CCDC13: variants seen among roughly 807,000 people sequenced by gnomAD.
The protein encoded by CCDC13 is coiled-coil domain-containing protein 13.
A neutral mutation model predicts 87.3 loss-of-function variants in CCDC13; 70 were observed. The ratio of observed to expected loss-of-function variants is 0.80; its 90% CI spans 0.66 to 0.98. CCDC13 has a LOEUF of 0.98. Among genes scored for constraint, CCDC13 ranks in the 50% least tolerant of loss-of-function variants. CCDC13 has a pLI of 0.00. For missense variants in CCDC13, 842 were observed against 892.0 expected (o/e 0.94, Z 0.71); for synonymous variants, 317 against 360.3 (o/e 0.88, Z 1.36).
intron 14 of CCDC13, 53 bp from the exon 15 acceptor site, chr3:42,709,851 C>T: frequency 1.5e-6 from 2 of 1,348,602 alleles, no homozygotes; most frequent in Non-Finnish European, 1.1e-6. Flanking sequence ...CCTGTGCTAG[C>T]ACCCTGCTTC....
chr3:42,772,447 A>G (rs574961392), intron 1 of CCDC13, among the ~76,000 whole-genome samples: 8 of 152,144 alleles, frequency 5.3e-5, no homozygotes, highest in Admixed American at 5.2e-4. Flanking sequence ...GGTGACAGGG[A>G]CCAGTGAGGA....
rs892702483 is a variant in CCDC13 at position 42,743,124 on chromosome 3, A to G, written c.826-67T>C. 8.3e-6 allele frequency: 13 copies of G among 1,574,858 alleles called. No homozygotes were observed. The South Asian group carries it at 1.5e-4, about 18-fold the overall frequency. The stretch of plus-strand genomic sequence containing the variant: ...CCAGCCTCTTCTACTCAGAAGTGTG[A>G]TAGGAGACCCCACAGACTGAAGATG... On this transcript the variant is annotated intron_variant, in intron 7 of 15. Coordinates refer to ENST00000310232, the MANE Select transcript of CCDC13 (RefSeq NM_144719.4).
Position 42,747,274 on chromosome 3 carries a change from G to C in CCDC13, c.703C>G (p.Leu235Val). The change falls in exon 6 of 16, where the codon CTG becomes GTG. Residue 235 changes from leucine to valine, a missense_variant. Physicochemically the swap from Leu to Val is conservative, Grantham distance 32. Transcript: ENST00000310232. ...TGAAAGACCTTCTGTGCCATCCGCA[G>C]CTCCTGCTTCACAGACTGGATCTGG... ...RNQIQSVKQE[L>V]RMAQKVLARE... The C allele has an allele frequency of 6.2e-7, 1 of 1,614,020 alleles. No homozygotes were observed. The highest frequency in any genetic ancestry group is 1.7e-5 in the Admixed American group (1 of 60,024).
Position 42,768,006 on chromosome 3 carries a change from A to C in CCDC13, c.-7+5170T>G, listed in dbSNP as rs193204632. Among the ~76,000 whole-genome samples the C allele has an allele frequency of 1.3e-3, 205 of 152,258 alleles. 1 individual carries two copies. The highest frequency in any genetic ancestry group is 4.1e-3 in the African/African-American group (169 of 41,548). ...AAAAAAAGACTTACTATAAAATGAT[A>C]GTAATTAAGACAGTGTGGTATTGGT... On this transcript the variant is annotated intron_variant, in intron 1 of 15. Transcript: ENST00000310232.
chr3:42,758,424 T>C, intron 1 of CCDC13, 73 bp from the exon 2 acceptor site: 2 of 1,443,730 alleles, frequency 1.4e-6, no homozygotes, highest in Non-Finnish European at 9.5e-7. Context: ...CCGCCCTGTC[T>C]GCAGCCCCAG....
rs1698186385 is a variant in CCDC13 at position 42,706,600 on chromosome 3, A to G, written c.*2380T>C. The stretch of plus-strand genomic sequence containing the variant: ...AAAGCTGAAACACTCATCTTTATAT[A>G]CAGAGTTGGCCAAAGCAAGACACCA... On this transcript the variant is annotated 3_prime_UTR_variant, in exon 16 of 16. Coordinates refer to ENST00000310232, the MANE Select transcript of CCDC13 (RefSeq NM_144719.4). 6.6e-6 allele frequency: 1 copy of G among 152,248 alleles called. No homozygotes were observed. Among genetic ancestry groups the G allele is most frequent in the African/African-American group, 2.4e-5 (1 of 41,458 alleles). 9.4% of individuals were successfully genotyped at this position (152,248 alleles called of 1,614,324 possible).
downstream of CCDC13, among the ~76,000 whole-genome samples, chr3:42,705,267 C>T (rs1009566115): frequency 2.0e-5 from 3 of 152,050 alleles, no homozygotes; most frequent in African/African-American, 4.8e-5. Context: ...TGTTCTGGCC[C>T]CTGGGTGTGG....
intron 13 of CCDC13, among the ~76,000 whole-genome samples, chr3:42,722,657 T>C (rs1374146754): frequency 6.6e-6 from 1 of 152,152 alleles, no homozygotes; most frequent in Non-Finnish European, 1.5e-5. Context: ...AGTTACCCTA[T>C]ATGGCCTAGA....
At chr3:42,724,555 G>T (rs556019823) in intron 13 of CCDC13, among the ~76,000 whole-genome samples, 2 of 152,304 alleles carry the variant, frequency 1.3e-5, no homozygotes, top group Non-Finnish European at 2.9e-5. Context: ...TTCTTCAGTT[G>T]TTAACAGGCC....
At chr3:42,771,091 C>G (rs989525088) in intron 1 of CCDC13, 2 of 152,134 alleles carry the variant, frequency 1.3e-5, no homozygotes, top group Non-Finnish European at 2.9e-5. Context: ...AGTAGATAAC[C>G]TGGTACACTC....
At position 42,706,083 on chromosome 3, in the gene CCDC13, G is replaced by A. The variant is rs1484070176; in HGVS notation, c.*2897C>T. 6.6e-6 allele frequency: 1 copy of A among 152,232 alleles called. No individual in the cohort carries two copies. Among genetic ancestry groups the A allele is most frequent in the African/African-American group, 2.4e-5 (1 of 41,420 alleles). 9.4% of individuals were successfully genotyped at this position (152,232 alleles called of 1,614,324 possible). On this transcript the variant is annotated 3_prime_UTR_variant, in exon 16 of 16. Coordinates refer to ENST00000310232, the MANE Select transcript of CCDC13 (RefSeq NM_144719.4). ...CGTTTCCCACACCTCTGATTGGACT[G>A]GAAACTCCCTGAAAGGAGGAAGCAA... is the stretch of plus-strand genomic sequence containing the variant.
chr3:42,756,923 A>T (rs1366526994), intron 3 of CCDC13, 143 bp downstream of exon 3: 2 of 781,732 alleles, frequency 2.6e-6, no homozygotes, highest in Non-Finnish European at 4.0e-6. Flanking sequence ...CCTCTCCCTC[A>T]CTTCCAGGAC....
intron 5 of CCDC13, among the ~76,000 whole-genome samples, chr3:42,748,640 G>A (rs368986893): frequency 1.3e-4 from 20 of 152,290 alleles, no homozygotes; most frequent in Admixed American, 4.6e-4. Flanking sequence ...GAAAACCACT[G>A]GCCAAAGAAA....
At chr3:42,750,031 A>G (rs1699533502) in intron 5 of CCDC13, 1 of 439,088 alleles carries the variant, frequency 2.3e-6, no homozygotes, top group South Asian at 1.6e-5. Context: ...GTGCTGATGA[A>G]TTGAGACCTG....
chr3:42,768,133 G>A (rs6794643), intron 1 of CCDC13, among the ~76,000 whole-genome samples: 8,219 of 152,176 alleles, frequency 0.054, 326 homozygotes, highest in South Asian at 0.11. Flanking sequence ...AAAGGCAATG[G>A]TGCTGGAACA....
intron 1 of CCDC13, among the ~76,000 whole-genome samples, chr3:42,764,124 C>T (rs890218965): frequency 3.0e-4 from 46 of 152,150 alleles, no homozygotes; most frequent in African/African-American, 1.0e-3. Context: ...AAGTTTTGAT[C>T]ATGCAAATGA....
At chr3:42,751,466 T>C (rs1177958776) in intron 5 of CCDC13, among the ~76,000 whole-genome samples, 1 of 152,218 alleles carries the variant, frequency 6.6e-6, no homozygotes, top group Non-Finnish European at 1.5e-5. Flanking sequence ...AGGGAAAGTG[T>C]TCATAATATG....
At chr3:42,715,718 T>A (rs1037978843) in intron 13 of CCDC13, among the ~76,000 whole-genome samples, 1 of 152,258 alleles carries the variant, frequency 6.6e-6, no homozygotes, top group African/African-American at 2.4e-5. Context: ...TCAGTGCAGA[T>A]ACTGAACAAC....
chr3:42,724,466 T>C (rs1448739686), intron 13 of CCDC13, among the ~76,000 whole-genome samples: 1 of 152,234 alleles, frequency 6.6e-6, no homozygotes, highest in Non-Finnish European at 1.5e-5. Context: ...GATCTACAGA[T>C]GTCCGTAAGC....
Sources: gnomAD v4.1 joint callset for allele counts (sites outside exome capture counted in the v4.1 genomes callset) on GRCh38, gnomAD v4.1.1 for gene constraint, MANE v1.5 for transcripts, NCBI Gene and HGNC (gene_info 2026-07-23, HGNC 2026-07-21) for gene names.